Variants in NHSL1 observed in about 807,000 individuals in gnomAD.
NHSL1 encodes the protein NHS-like protein 1.
In NHSL1, 48 loss-of-function variants were observed where a neutral mutation model predicts 95.0. The ratio of observed to expected loss-of-function variants is 0.51; its 90% CI spans 0.40 to 0.64. NHSL1 has a LOEUF of 0.64. Ranked by LOEUF, NHSL1 falls within the 30% of genes least tolerant of loss-of-function variation. The pLI is 0.00. For missense variants in NHSL1, 1,971 were observed against 2,077.7 expected (o/e 0.95, Z 1.00); for synonymous variants, 783 against 833.9 (o/e 0.94, Z 1.05).
chr6:138,535,893 A>C (rs1782321134), intron 1 of NHSL1, among the ~76,000 whole-genome samples: 1 of 152,180 alleles, frequency 6.6e-6, no homozygotes, highest in Admixed American at 6.5e-5. Flanking sequence ...TGGCAGAGAG[A>C]GCCTGTTCTC....
At chr6:138,622,794 C>CA (rs1220680510) in intron 1 of NHSL1, among the ~76,000 whole-genome samples, 1 of 152,104 alleles carries the variant, frequency 6.6e-6, no homozygotes, top group East Asian at 1.9e-4. Flanking sequence ...ACGCTTGGTA[C>CA]ACCAGATATC....
At chr6:138,490,113 A>G (rs1779986913) in intron 2 of NHSL1, among the ~76,000 whole-genome samples, 2 of 152,130 alleles carry the variant, frequency 1.3e-5, no homozygotes, top group Non-Finnish European at 1.5e-5. Context: ...TTCTCAAGCC[A>G]TACATGTTTT....
chr6:138,515,908 A>C (rs1781439988), intron 1 of NHSL1, among the ~76,000 whole-genome samples: 1 of 152,136 alleles, frequency 6.6e-6, no homozygotes, highest in Non-Finnish European at 1.5e-5. Flanking sequence ...GGGAATACTG[A>C]GTGTGTGTGT....
intron 1 of NHSL1, among the ~76,000 whole-genome samples, chr6:138,646,250 A>G (rs12197358): frequency 0.18 from 27,425 of 152,170 alleles, 2,569 homozygotes; most frequent in South Asian, 0.25. Context: ...TCAATACGGA[A>G]TTACAAGAAA....
At chr6:138,608,433 T>C (rs970266301) in intron 1 of NHSL1, among the ~76,000 whole-genome samples, 2 of 152,190 alleles carry the variant, frequency 1.3e-5, no homozygotes, top group Admixed American at 1.3e-4. Context: ...TCCAAGTCAG[T>C]TGAAACAGAT....
intron 7 of NHSL1, among the ~76,000 whole-genome samples, chr6:138,428,002 G>A (rs1238976545): frequency 1.3e-5 from 2 of 152,236 alleles, no homozygotes; most frequent in Non-Finnish European, 2.9e-5. Context: ...TACATCTGCA[G>A]TCGATGTAAC....
chr6:138,667,529 T>A (rs1045182554), intron 1 of NHSL1, among the ~76,000 whole-genome samples: 3 of 152,216 alleles, frequency 2.0e-5, no homozygotes, highest in Non-Finnish European at 4.4e-5. Context: ...TAGAAAAGAC[T>A]GACTGGAAAT....
At position 138,430,568 on chromosome 6, in the gene NHSL1, G is replaced by A. The variant is rs1411526798; in HGVS notation, c.3777C>T (p.Gly1259=). ...AQAGSHATHP[G]TSVLEGGAAG... is the part of the protein sequence containing the mutation. ...CAGCTCCTCCCTCAAGAACCGAGGTGCCAGGGTGCGTGGCATGAGAGCCAG... is the reference window on the plus strand; with the variant it reads ...CAGCTCCTCCCTCAAGAACCGAGGTACCAGGGTGCGTGGCATGAGAGCCAG... Residue 1259 remains glycine (G), a synonymous_variant, in exon 6 of 8, where the codon GGC becomes GGT. Transcript: ENST00000343505. This position sits in a 1 kb window ranked among gnomAD's most constrained non-coding sequence, Gnocchi z 4.7. The A allele has an allele frequency of 6.4e-7, 1 of 1,550,804 alleles. No individual in the cohort carries two copies. Among genetic ancestry groups the A allele is most frequent in the East Asian group, 2.4e-5 (1 of 40,886 alleles).
At chr6:138,437,363 T>TATATATATACAC (rs1323270901) in intron 5 of NHSL1, among the ~76,000 whole-genome samples, 6 of 18,550 alleles carry the variant, frequency 3.2e-4, no homozygotes, top group African/African-American at 1.4e-3. Flanking sequence ...TATACACATA[T>TATATATATACAC]ATATATATAC....
chr6:138,659,551 A>G (rs1328320976), intron 1 of NHSL1, among the ~76,000 whole-genome samples: 1 of 152,180 alleles, frequency 6.6e-6, no homozygotes, highest in Admixed American at 6.5e-5. Context: ...ATGCTCTAAC[A>G]CCTAATAGTT....
intron 3 of NHSL1, among the ~76,000 whole-genome samples, chr6:138,463,489 C>T (rs920855475): frequency 3.2e-4 from 49 of 150,970 alleles, no homozygotes; most frequent in Non-Finnish European, 5.3e-4. Context: ...TCCAGGCCTT[C>T]CCATGTGCGA....
chr6:138,428,938 C>T (rs1475540724), intron 7 of NHSL1, among the ~76,000 whole-genome samples: 1 of 152,180 alleles, frequency 6.6e-6, no homozygotes, highest in Non-Finnish European at 1.5e-5. Context: ...CGTAGTTGCA[C>T]ATATACAGTC....
intron 3 of NHSL1, among the ~76,000 whole-genome samples, chr6:138,452,494 C>T (rs1385189948): frequency 6.6e-6 from 1 of 152,114 alleles, no homozygotes; most frequent in Non-Finnish European, 1.5e-5. Flanking sequence ...TGAATTATAG[C>T]CAGAGCTAAA....
chr6:138,642,235 A>C (rs1784968575), intron 1 of NHSL1, among the ~76,000 whole-genome samples: 1 of 152,204 alleles, frequency 6.6e-6, no homozygotes, highest in Non-Finnish European at 1.5e-5. Flanking sequence ...TAAAATTTTT[A>C]ATTTATATTT....
In NHSL1 at chr6:138,499,478, T is replaced by C. The variant is rs1052797145; in HGVS notation, c.-188A>G. 1 of 1,329,920 alleles carries C rather than the reference T, an allele frequency of 7.5e-7. No individual in the cohort carries two copies. The highest frequency in any genetic ancestry group is 1.5e-5 in the African/African-American group (1 of 67,350). 82.4% of individuals were successfully genotyped at this position (1,329,920 alleles called of 1,614,324 possible). A position where few individuals can be genotyped will look rare whatever the true frequency, so the allele number is the denominator to read the frequency against. ...TTATTGTCAGGCAGTTACAAACCAT[T>C]AACAGTCCTTGAACCTGAAAAACTC... On this transcript the variant is annotated 5_prime_UTR_variant, in exon 1 of 8. Coordinates refer to ENST00000343505, the MANE Select transcript of NHSL1 (RefSeq NM_001144060.2).
intron 1 of NHSL1, among the ~76,000 whole-genome samples, chr6:138,514,962 A>G (rs896109939): frequency 6.6e-6 from 1 of 151,220 alleles, no homozygotes; most frequent in African/African-American, 2.4e-5. Context: ...TACTGAATTC[A>G]CCCTTCTTCT....
At chr6:138,429,214 CTT>C (rs1775462484) in intron 7 of NHSL1, among the ~76,000 whole-genome samples, 1 of 152,190 alleles carries the variant, frequency 6.6e-6, no homozygotes, top group African/African-American at 2.4e-5. Context: ...GGGCCGTACT[CTT>C]TTATAGAAAC....
intron 3 of NHSL1, among the ~76,000 whole-genome samples, chr6:138,467,345 G>A (rs1386540368): frequency 6.6e-6 from 1 of 151,986 alleles, no homozygotes; most frequent in African/African-American, 2.4e-5. Context: ...GTAGAGACGG[G>A]GTTTTGCCGT....
At chr6:138,467,342 C>T (rs1450571187) in intron 3 of NHSL1, among the ~76,000 whole-genome samples, 5 of 152,114 alleles carry the variant, frequency 3.3e-5, no homozygotes, top group South Asian at 2.1e-4. Flanking sequence ...TTAGTAGAGA[C>T]GGGGTTTTGC....
Sources: allele counts gnomAD v4.1 joint callset (sites outside exome capture counted in the v4.1 genomes callset), GRCh38; gene constraint gnomAD v4.1.1; non-coding constraint Gnocchi (gnomAD v3.1); transcripts MANE v1.5; gene names NCBI Gene and HGNC (gene_info 2026-07-23, HGNC 2026-07-21).